FAS: variants seen among roughly 807,000 people sequenced by gnomAD.
FAS encodes the protein Fas cell surface death receptor.
A neutral mutation model predicts 33.2 loss-of-function variants in FAS; 5 were observed. The ratio of observed to expected loss-of-function variants is 0.15; its 90% confidence interval spans 0.08 to 0.32. The LOEUF (loss-of-function observed/expected upper bound fraction) is 0.32. FAS is among the 10% of genes least tolerant of loss of function. The pLI is 1.00. For missense variants in FAS, 339 were observed against 386.0 expected, an observed-to-expected ratio of 0.88 and a Z score of 1.02; for synonymous variants, 131 against 130.7, an observed-to-expected ratio of 1.00 and a Z score of -0.01.
chr10:88,981,554 G>T (rs1275340578), intron 2 of FAS, among the ~76,000 whole-genome samples: 1 of 152,130 alleles, frequency 6.6e-6, no homozygotes, highest in Non-Finnish European at 1.5e-5. Context: ...TAGGACAGAG[G>T]AAGAACCAAG....
chr10:88,971,316 C>G (rs1357416873), intron 1 of FAS, among the ~76,000 whole-genome samples: 1 of 152,150 alleles, frequency 6.6e-6, no homozygotes, highest in African/African-American at 2.4e-5. Context: ...ATAAGTACAG[C>G]TAAGGACAAA....
In FAS at chr10:89,014,520, G is replaced by C. The variant is rs80330323; in HGVS notation, c.*70G>C. 9.5e-5 allele frequency: 135 copies of C among 1,415,058 alleles called. No homozygotes were observed. The Middle Eastern group carries it at 1.0e-3, about 10-fold the overall frequency. 87.7% of individuals were successfully genotyped at this position (1,415,058 alleles called of 1,614,324 possible). On this transcript the variant is annotated 3_prime_UTR_variant, in exon 9 of 9. Transcript: ENST00000652046. Reference sequence around the variant, plus strand: ...TTGAAAAGATTCTTAATAGCTGGCTGTAAATACTGCTTGGTTTTTTACTGG... The same window carrying C: ...TTGAAAAGATTCTTAATAGCTGGCTCTAAATACTGCTTGGTTTTTTACTGG...
At chr10:89,008,498 A>G (rs1298694836) in intron 3 of FAS, among the ~76,000 whole-genome samples, 2 of 152,234 alleles carry the variant, frequency 1.3e-5, no homozygotes, top group Non-Finnish European at 2.9e-5. Context: ...GGGCAATTAC[A>G]TCAGAGTCTC....
chr10:89,008,146 A>C (rs1848339450), intron 3 of FAS, among the ~76,000 whole-genome samples: 1 of 152,172 alleles, frequency 6.6e-6, no homozygotes, highest in South Asian at 2.1e-4. Context: ...ACGCTTATAT[A>C]ATGGTGCTCG....
chr10:88,991,273 AG>A (rs1178029231), intron 1 of FAS: 2 of 436,162 alleles, frequency 4.6e-6, no homozygotes, highest in East Asian at 4.2e-5. Context: ...GGGTCGCTGG[AG>A]GGGGACCCCG....
exon 2 of FAS, chr10:88,973,281 T>C (rs1237348021): frequency 1.9e-6 from 3 of 1,612,312 alleles, no homozygotes. Flanking sequence ...CTTGGGGATC[T>C]CTAGGTCATC....
At chr10:89,008,212 G>C (rs1470805128) in intron 3 of FAS, among the ~76,000 whole-genome samples, 2 of 152,142 alleles carry the variant, frequency 1.3e-5, no homozygotes, top group Non-Finnish European at 2.9e-5. Flanking sequence ...AAATCCAAAA[G>C]GTAGGTAGGA....
At chr10:89,007,659 C>T (rs377065670) in intron 2 of FAS, 41 bp from the exon 3 acceptor site, 44 of 1,611,998 alleles carry the variant, frequency 2.7e-5, no homozygotes, top group South Asian at 3.3e-5. Flanking sequence ...GTTACCTGCC[C>T]GTGTCCTGTT....
intron 7 of FAS, chr10:89,012,328 C>T: frequency 2.3e-6 from 1 of 436,720 alleles, no homozygotes. Flanking sequence ...CATGCACCAC[C>T]ATGCCAGGTT....
upstream of FAS, among the ~76,000 whole-genome samples, chr10:88,985,846 G>A (rs1190331981): frequency 1.3e-5 from 2 of 152,342 alleles, no homozygotes; most frequent in East Asian, 1.9e-4. Context: ...GAGAGAAAGC[G>A]CTGCCATGCC....
intron 1 of FAS, among the ~76,000 whole-genome samples, chr10:88,995,246 A>G (rs544336800): frequency 7.2e-5 from 11 of 152,220 alleles, no homozygotes; most frequent in Non-Finnish European, 1.6e-4. Context: ...GCAGGAACAA[A>G]TCTTCAGTCC....
chr10:89,008,903 A>G lies in FAS; in HGVS notation c.349A>G (p.Ile117Val). The change falls in exon 4 of 9, where the codon ATA becomes GTA. Residue 117 changes from isoleucine to valine, a missense_variant. Ile to Val is a conservative substitution (Grantham distance 29). Around this residue, in one of 3 missense-constraint regions of FAS, gnomAD observed 276 missense variants for 300.1 expected, o/e 0.92. Transcript: ENST00000652046. ...TGATTTTCTAGGCTTAGAAGTGGAA[A>G]TAAACTGCACCCGGACCCAGAATAC... The part of the protein sequence containing the change: ...CDEGHGLEVE[I>V]NCTRTQNTKC... 3 of 1,614,022 alleles carry G rather than the reference A, an allele frequency of 1.9e-6. No individual in the cohort carries two copies. The highest frequency in any genetic ancestry group is 2.5e-6 in the Non-Finnish European group (3 of 1,179,882).
At chr10:89,004,820 C>T (rs909172952) in intron 2 of FAS, among the ~76,000 whole-genome samples, 58 of 152,224 alleles carry the variant, frequency 3.8e-4, no homozygotes, top group Admixed American at 3.6e-3. Context: ...TGGATGGCAT[C>T]CAACCATGTT....
intron 2 of FAS, among the ~76,000 whole-genome samples, chr10:88,976,497 G>C (rs1028191992): frequency 6.6e-6 from 1 of 152,166 alleles, no homozygotes; most frequent in Non-Finnish European, 1.5e-5. Context: ...CATTTGAATA[G>C]TCCTTCCATT....
At chr10:88,989,655 C>A, upstream of FAS, 1 of 483,118 alleles carries the variant, frequency 2.1e-6, no homozygotes. Context: ...GATTTGAGGG[C>A]CCAAACAGGC....
At chr10:89,000,775 G>C (rs959795375) in intron 1 of FAS, among the ~76,000 whole-genome samples, 1 of 152,206 alleles carries the variant, frequency 6.6e-6, no homozygotes, top group African/African-American at 2.4e-5. Context: ...GGCCGGGTGC[G>C]TTGGCTCATG....
chr10:88,989,689 A>AG, upstream of FAS: 1 of 426,792 alleles, frequency 2.3e-6, no homozygotes. Flanking sequence ...GTCAACTGAG[A>AG]GGAAGCCTGA....
Position 88,978,398 on chromosome 10 carries a change from A to T in FAS, n.260+5051A>T, listed in dbSNP as rs181247776. Reference sequence around the variant, plus strand: ...CATGTACCCTAAAACTTAAAGTATAATAAAAAATAAATAAATAAATAAATA... The same window carrying T: ...CATGTACCCTAAAACTTAAAGTATATTAAAAAATAAATAAATAAATAAATA... On this transcript the variant is annotated intron_variant and non_coding_transcript_variant, in intron 2 of 3. Coordinates refer to the FAS transcript ENST00000688239. Among the ~76,000 whole-genome samples the T allele has an allele frequency of 5.9e-3, 894 of 152,062 alleles. 11 individuals carry two copies. Among genetic ancestry groups the T allele is most frequent in the African/African-American group, 0.02 (839 of 41,428 alleles).
At chr10:89,008,628 T>C (rs1848367294) in intron 3 of FAS, among the ~76,000 whole-genome samples, 1 of 152,116 alleles carries the variant, frequency 6.6e-6, no homozygotes, top group Non-Finnish European at 1.5e-5. Context: ...ACCCTTTGAG[T>C]GTTAAGGCTA....
Sources: gnomAD v4.1 joint callset for allele counts (sites outside exome capture counted in the v4.1 genomes callset) on GRCh38, gnomAD v4.1.1 for gene constraint, gnomAD v4.1.1 regional missense constraint, MANE v1.5 for transcripts, NCBI Gene and HGNC (gene_info 2026-07-23, HGNC 2026-07-21) for gene names.